The following CAPRIN1 variants were observed in gnomAD, a reference collection of about 807,000 sequenced individuals.
CAPRIN1 encodes cell cycle associated protein 1.
CAPRIN1 carries 29 observed loss-of-function variants against 100.9 expected under a neutral mutation model. The ratio of observed to expected loss-of-function variants is 0.29; its 90% CI spans 0.21 to 0.39. The LOEUF is 0.39. Among genes scored for constraint, CAPRIN1 ranks in the 10% least tolerant of loss-of-function variants. CAPRIN1 has a pLI of 1.00. For missense variants in CAPRIN1, 795 were observed against 876.7 expected (o/e 0.91, Z 1.18); for synonymous variants, 338 against 307.5 (o/e 1.10, Z -1.04).
In CAPRIN1 at chr11:34,076,424, G is replaced by A; in HGVS notation, c.555G>A (p.Leu185=). 1 of 1,614,238 alleles carries A rather than the reference G, an allele frequency of 6.2e-7. No individual in the cohort carries two copies. Among genetic ancestry groups the A allele is most frequent in the Non-Finnish European group, 8.5e-7 (1 of 1,180,040 alleles). The part of the protein sequence containing the change: ...VPILSEEELS[L]LDEFYKLVDP... ...TATTGTCCGAAGAGGAGTTGTCATT[G>A]TTGGATGAATTCTATAAGCTAGTAG... The change falls in exon 5 of 19, where the codon TTG becomes TTA. Residue 185 remains leucine (L), a synonymous_variant. Transcript: ENST00000341394.
chr11:34,093,707 G>T (rs1183254791), intron 15 of CAPRIN1, among the ~76,000 whole-genome samples: 1 of 151,978 alleles, frequency 6.6e-6, no homozygotes, highest in African/African-American at 2.4e-5. Context: ...TGATCACCAT[G>T]GCTCACTGTA....
At position 34,091,955 on chromosome 11, in the gene CAPRIN1, T is replaced by C; in HGVS notation, c.1604T>C (p.Leu535Ser). 6.2e-7 allele frequency: 1 copy of C among 1,614,010 alleles called. No homozygotes were observed. Among genetic ancestry groups the C allele is most frequent in the Non-Finnish European group, 8.5e-7 (1 of 1,179,958 alleles). ...CCTCCTGTTAATGAACCAGAAACTTTAAAACAGCAAAATCAGTACCAGGCC... is the reference window on the plus strand; with the variant it reads ...CCTCCTGTTAATGAACCAGAAACTTCAAAACAGCAAAATCAGTACCAGGCC... ...PVPPVNEPET[L>S]KQQNQYQASY... Residue 535 changes from leucine (L) to serine (S), a missense_variant, in exon 15 of 19, where the codon TTA (leucine) becomes TCA (serine). Coordinates refer to ENST00000341394, the MANE Select transcript of CAPRIN1 (RefSeq NM_005898.5).
At position 34,102,185 on chromosome 11, in the gene CAPRIN1, G is replaced by T. The variant is rs1243098952; in HGVS notation, c.*2818G>T. On this transcript the variant is annotated 3_prime_UTR_variant, in exon 19 of 19. Coordinates refer to ENST00000341394, the MANE Select transcript of CAPRIN1 (RefSeq NM_005898.5). ...TCCACTTAAAGGAGACATAGAATGT[G>T]TGCTTATTCTCAGAAGGTTCATTAA... Among the ~76,000 whole-genome samples the T allele has an allele frequency of 6.6e-6, 1 of 152,112 alleles. No individual in the cohort carries two copies. Among genetic ancestry groups the T allele is most frequent in the Admixed American group, 6.5e-5 (1 of 15,270 alleles).
chr11:34,080,890 A>G (rs1349941465), intron 7 of CAPRIN1, among the ~76,000 whole-genome samples: 8 of 152,206 alleles, frequency 5.3e-5, no homozygotes, highest in African/African-American at 1.9e-4. Flanking sequence ...TGGTGGAGTT[A>G]ATAGTTGGAG....
chr11:34,088,792 T>C (rs1272718925), intron 11 of CAPRIN1, among the ~76,000 whole-genome samples: 1 of 152,210 alleles, frequency 6.6e-6, no homozygotes, highest in Non-Finnish European at 1.5e-5. Context: ...TGTTAGTGCA[T>C]TCTATTAACA....
intron 11 of CAPRIN1, among the ~76,000 whole-genome samples, chr11:34,088,551 A>G (rs184508055): frequency 1.1e-4 from 17 of 152,158 alleles, no homozygotes; most frequent in Admixed American, 8.5e-4. Flanking sequence ...GCATGCATCT[A>G]TAGTCCCAGC....
chr11:34,052,752 T>G (rs1002921996), intron 2 of CAPRIN1, 116 bp downstream of exon 2: 41 of 1,291,672 alleles, frequency 3.2e-5, no homozygotes, highest in Non-Finnish European at 4.2e-5. Flanking sequence ...CTAGGTCCCC[T>G]CCTCCCACCC....
At chr11:34,098,754 TAAAAATCTGTTTTAACAG>T (rs1215742401) in intron 18 of CAPRIN1, 1 of 985,122 alleles carries the variant, frequency 1.0e-6, no homozygotes, top group Non-Finnish European at 1.2e-6. Context: ...AACTGATAGC[TAAAAATCTGTTTTAACAG>T]CATGTAAAAA....
In CAPRIN1 at chr11:34,098,663, T is replaced by G. The variant is rs951029943; in HGVS notation, c.2066-640T>G. 5.1e-6 allele frequency: 5 copies of G among 985,056 alleles called. No individual in the cohort carries two copies. The African/African-American group carries it at 8.7e-5, about 17-fold the overall frequency. The allele number at this position is 985,056 out of a possible 1,614,324, so 61.0% of individuals were successfully genotyped here. On this transcript the variant is annotated intron_variant, in intron 18 of 18. Coordinates refer to ENST00000341394, the MANE Select transcript of CAPRIN1 (RefSeq NM_005898.5). ...ATCACTTGGGAATTACTGACTTGAC[T>G]AGAAGTATCAAAGGATGTTTGCATG...
chr11:34,080,820 G>A (rs1311788604), intron 7 of CAPRIN1, among the ~76,000 whole-genome samples: 3 of 152,210 alleles, frequency 2.0e-5, no homozygotes, highest in Non-Finnish European at 4.4e-5. Context: ...TGCCTGACAC[G>A]TGGTAAGCAC....
chr11:34,098,339 T>A (rs139493607), intron 18 of CAPRIN1: 2 of 984,462 alleles, frequency 2.0e-6, no homozygotes, highest in Non-Finnish European at 2.4e-6. Flanking sequence ...TCCTAACTTA[T>A]TGAGCTATAC....
At chr11:34,056,377 A>G (rs896868497) in intron 2 of CAPRIN1, 2 of 152,252 alleles carry the variant, frequency 1.3e-5, no homozygotes, top group East Asian at 1.9e-4. Flanking sequence ...TTGAGCCATT[A>G]AAGAAAAAGC....
At chr11:34,071,004 A>G (rs1850795217) in intron 2 of CAPRIN1, among the ~76,000 whole-genome samples, 2 of 152,154 alleles carry the variant, frequency 1.3e-5, no homozygotes, top group South Asian at 4.1e-4. Context: ...GTTCAGCCTA[A>G]AAATACTCTT....
intron 2 of CAPRIN1, among the ~76,000 whole-genome samples, chr11:34,054,741 T>G (rs970335437): frequency 6.6e-6 from 1 of 152,206 alleles, no homozygotes; most frequent in African/African-American, 2.4e-5. Flanking sequence ...AAAATTTTAA[T>G]GCAGTAAGCA....
chr11:34,077,794 C>G (rs1356095937), intron 6 of CAPRIN1, among the ~76,000 whole-genome samples: 1 of 152,050 alleles, frequency 6.6e-6, no homozygotes, highest in Admixed American at 6.6e-5. Flanking sequence ...GGTGCCAGTC[C>G]TTGTCTGTCC....
intron 2 of CAPRIN1, chr11:34,055,869 T>A (rs1333758962): frequency 6.6e-6 from 1 of 152,212 alleles, no homozygotes; most frequent in Non-Finnish European, 1.5e-5. Context: ...GTAGTTAAGT[T>A]GGCAGTATTG....
At position 34,069,393 on chromosome 11, in the gene CAPRIN1, C is replaced by T. The variant is rs897289730; in HGVS notation, c.217-2333C>T. On this transcript the variant is annotated intron_variant, in intron 2 of 18. Transcript: ENST00000341394. ...TTGAACTCATGACCTTGTTATCTGC[C>T]GACGTTGGCCTCCCAAAATGCTGGG... Among the ~76,000 whole-genome samples the T allele has an allele frequency of 1.7e-4, 26 of 151,980 alleles. No homozygotes were observed. The Middle Eastern group carries it at 0.01, about 60-fold the overall frequency.
At chr11:34,062,147 T>A (rs1048954209) in intron 2 of CAPRIN1, among the ~76,000 whole-genome samples, 1 of 152,062 alleles carries the variant, frequency 6.6e-6, no homozygotes, top group African/African-American at 2.4e-5. Context: ...TTGAGGAAAC[T>A]TTTGCTTACT....
intron 16 of CAPRIN1, 73 bp downstream of exon 16, chr11:34,096,746 C>A: frequency 8.4e-7 from 1 of 1,194,264 alleles, no homozygotes; most frequent in Non-Finnish European, 1.2e-6. Context: ...TAAAATATAT[C>A]ACACAGTTTT....
Sources: gnomAD v4.1 joint callset for allele counts (sites outside exome capture counted in the v4.1 genomes callset) on GRCh38, gnomAD v4.1.1 for gene constraint, MANE v1.5 for transcripts, NCBI Gene and HGNC (gene_info 2026-07-23, HGNC 2026-07-21) for gene names.